Variants in MYLK observed in about 807,000 individuals in gnomAD.
The protein encoded by MYLK is myosin light chain kinase.
A neutral mutation model predicts 203.4 loss-of-function variants in MYLK; 106 were observed. That is an observed-to-expected ratio of 0.52 (90% CI 0.45 to 0.61). The LOEUF is 0.61. Ranked by LOEUF, MYLK falls within the 20% of genes least tolerant of loss-of-function variation. The pLI is 0.00. For synonymous variants in MYLK, 867 were observed against 959.5 expected, an observed-to-expected ratio of 0.90 and a Z score of 1.78; for missense variants, 2,072 against 2,442.3, an observed-to-expected ratio of 0.85 and a Z score of 3.20.
At position 123,642,915 on chromosome 3, in the gene MYLK, G is replaced by A. The variant is rs1363771200; in HGVS notation, c.4620-2411C>T. On this transcript the variant is annotated intron_variant, in intron 27 of 33. Coordinates refer to ENST00000360304, the MANE Select transcript of MYLK (RefSeq NM_053025.4). The surrounding 1 kb of genome is among the most constrained non-coding windows in gnomAD (Gnocchi z 4.2). ...TACAAATTCCCAAGCTCCTCCTCTG[G>A]AGATTTTGATTTAGAAAGTCTTGGG... Among the ~76,000 whole-genome samples, 2 of 152,174 alleles carry A rather than the reference G, an allele frequency of 1.3e-5. No homozygotes were observed. Among genetic ancestry groups the A allele is most frequent in the Non-Finnish European group, 2.9e-5 (2 of 68,042 alleles).
intron 29 of MYLK, chr3:123,630,638 A>C (rs2058374982): frequency 6.6e-6 from 1 of 152,174 alleles, no homozygotes; most frequent in Non-Finnish European, 1.5e-5. Context: ...GATGAAGTAA[A>C]TTGCAGTGTT....
At chr3:123,649,777 C>T (rs917981503) in intron 24 of MYLK, among the ~76,000 whole-genome samples, 1 of 152,194 alleles carries the variant, frequency 6.6e-6, no homozygotes, top group African/African-American at 2.4e-5. Context: ...ACAAAGTGTA[C>T]CATAATCACG....
chr3:123,882,850 T>G (rs2033628750), intron 1 of MYLK, among the ~76,000 whole-genome samples: 2 of 152,260 alleles, frequency 1.3e-5, no homozygotes, highest in South Asian at 4.1e-4. Context: ...GCCAGCAGCA[T>G]CATCCTCCAC....
At chr3:123,748,114 C>G (rs2108858496) in intron 5 of MYLK, among the ~76,000 whole-genome samples, 1 of 152,262 alleles carries the variant, frequency 6.6e-6, no homozygotes, top group East Asian at 1.9e-4. Context: ...TGGTGAGGGC[C>G]TCGGGAAGCT....
In MYLK at chr3:123,629,581, G is replaced by A. The variant is rs1374169786; in HGVS notation, c.5007C>T (p.Thr1669=). The A allele has an allele frequency of 1.2e-6, 2 of 1,614,182 alleles. No homozygotes were observed. Among genetic ancestry groups the A allele is most frequent in the Admixed American group, 1.7e-5 (1 of 60,022 alleles). The change falls in exon 30 of 34, where the codon ACC becomes ACT. Residue 1669 remains threonine (T), a synonymous_variant. Coordinates refer to ENST00000360304, the MANE Select transcript of MYLK (RefSeq NM_053025.4). The surrounding 1 kb of genome is among the most constrained non-coding windows in gnomAD (Gnocchi z 4.4). ...AGGTGGCTGAGGTAACGTTGGCCAA[G>A]GTTTCGTTATCGTTGTCTCCCATGA... ...SPFMGDNDNE[T]LANVTSATWD...
At chr3:123,823,815 C>G (rs1190893250) in intron 3 of MYLK, among the ~76,000 whole-genome samples, 6 of 152,210 alleles carry the variant, frequency 3.9e-5, no homozygotes, top group African/African-American at 1.4e-4. Context: ...CTATTAAGCT[C>G]TGCCCTCCCA....
intron 19 of MYLK, 112 bp from the exon 20 acceptor site, chr3:123,682,422 C>A: frequency 1.2e-6 from 1 of 849,954 alleles, no homozygotes; most frequent in Non-Finnish European, 1.9e-6. Flanking sequence ...TCTGAGGGCC[C>A]TTTGTGCCCG....
chr3:123,741,347 T>C (rs966883202), intron 5 of MYLK, among the ~76,000 whole-genome samples: 7 of 152,202 alleles, frequency 4.6e-5, no homozygotes, highest in African/African-American at 1.4e-4. Flanking sequence ...CTCCATATAA[T>C]TGGTGATTAC....
At chr3:123,726,132 T>C in intron 11 of MYLK, 54 bp from the exon 12 acceptor site, 1 of 1,609,882 alleles carries the variant, frequency 6.2e-7, no homozygotes, top group Non-Finnish European at 8.5e-7. Flanking sequence ...ACTCTGGTGA[T>C]GCCTGCAGTC....
At chr3:123,720,549 G>C (rs2062052472) in intron 13 of MYLK, among the ~76,000 whole-genome samples, 1 of 152,210 alleles carries the variant, frequency 6.6e-6, no homozygotes, top group African/African-American at 2.4e-5. Flanking sequence ...CTGGACCTCA[G>C]AGACAAGGTT....
At chr3:123,697,455 T>C (rs1340454786) in intron 18 of MYLK, among the ~76,000 whole-genome samples, 3 of 152,188 alleles carry the variant, frequency 2.0e-5, no homozygotes, top group Non-Finnish European at 4.4e-5. Flanking sequence ...TAGTCATTAG[T>C]GTTTTCTGTT....
At chr3:123,661,767 G>C (rs1463497121) in intron 23 of MYLK, among the ~76,000 whole-genome samples, 1 of 152,186 alleles carries the variant, frequency 6.6e-6, no homozygotes, top group African/African-American at 2.4e-5. Flanking sequence ...GGACAACTGG[G>C]GGTGGGGAGT....
chr3:123,827,728 T>C (rs2066174481), intron 3 of MYLK, among the ~76,000 whole-genome samples: 1 of 101,384 alleles, frequency 9.9e-6, no homozygotes, highest in Admixed American at 1.2e-4. Flanking sequence ...TATATATATA[T>C]ATATATATAT....
chr3:123,743,461 A>T (rs2062921127), intron 5 of MYLK, among the ~76,000 whole-genome samples: 1 of 152,236 alleles, frequency 6.6e-6, no homozygotes, highest in African/African-American at 2.4e-5. Context: ...TTATAGGAAA[A>T]ATTTGAAGTT....
intron 4 of MYLK, among the ~76,000 whole-genome samples, chr3:123,766,989 G>C (rs1418699423): frequency 6.6e-6 from 1 of 152,200 alleles, no homozygotes; most frequent in Admixed American, 6.5e-5. Context: ...CACATTTAAA[G>C]CAGAATTAGA....
At position 123,626,881 on chromosome 3, in the gene MYLK, G is replaced by A. The variant is rs1191382733; in HGVS notation, c.5175C>T (p.Asn1725=). Reference sequence around the variant, plus strand: ...CCTTGGAGAGTTTCTTGGCCTCCATGTTCTTGGTATCTTTCATTAGCCATG... The same window carrying A: ...CCTTGGAGAGTTTCTTGGCCTCCATATTCTTGGTATCTTTCATTAGCCATG... ...QHPWLMKDTK[N]MEAKKLSKDR... is the part of the protein sequence containing the mutation. Residue 1725 remains asparagine (N), a synonymous_variant, in exon 31 of 34, where the codon AAC becomes AAT. Transcript: ENST00000360304. 6.2e-7 allele frequency: 1 copy of A among 1,614,212 alleles called. No individual in the cohort carries two copies. The highest frequency in any genetic ancestry group is 1.7e-5 in the Admixed American group (1 of 60,028).
intron 4 of MYLK, among the ~76,000 whole-genome samples, chr3:123,793,409 T>G (rs2064860846): frequency 6.6e-6 from 1 of 152,174 alleles, no homozygotes; most frequent in African/African-American, 2.4e-5. Context: ...TTATATAGCA[T>G]GTACCCAGAA....
intron 4 of MYLK, among the ~76,000 whole-genome samples, chr3:123,777,575 T>A (rs542765474): frequency 6.6e-6 from 1 of 152,154 alleles, no homozygotes; most frequent in Non-Finnish European, 1.5e-5. Flanking sequence ...TCAGGAAGCA[T>A]GACCAAGTGT....
intron 3 of MYLK, among the ~76,000 whole-genome samples, chr3:123,795,601 T>C (rs1200211688): frequency 1.3e-5 from 2 of 152,086 alleles, no homozygotes; most frequent in African/African-American, 4.8e-5. Context: ...AAGAGCTAGG[T>C]GGTCGGACTC....
Sources: allele counts gnomAD v4.1 joint callset (sites outside exome capture counted in the v4.1 genomes callset), GRCh38; gene constraint gnomAD v4.1.1; non-coding constraint Gnocchi (gnomAD v3.1); transcripts MANE v1.5; gene names NCBI Gene and HGNC (gene_info 2026-07-23, HGNC 2026-07-21).